GULP1: variants seen among roughly 807,000 people sequenced by gnomAD.
GULP1 encodes the protein PTB domain-containing engulfment adapter protein 1.
In GULP1, 19 loss-of-function variants were observed where a neutral mutation model predicts 40.9. The observed-to-expected ratio is 0.46, with a 90% confidence interval of 0.32 to 0.68. The LOEUF is 0.68. Among genes scored for constraint, GULP1 ranks in the 30% least tolerant of loss-of-function variants. The pLI is 0.03. For synonymous variants in GULP1, 119 were observed against 117.6 expected, an observed-to-expected ratio of 1.01 and a Z score of -0.08; for missense variants, 312 against 362.2, an observed-to-expected ratio of 0.86 and a Z score of 1.12.
intron 2 of GULP1, among the ~76,000 whole-genome samples, chr2:188,419,359 T>C (rs2055047086): frequency 6.6e-6 from 1 of 152,160 alleles, no homozygotes; most frequent in Non-Finnish European, 1.5e-5. Context: ...CCCTGGTCAA[T>C]ACCTGTTGCC....
At chr2:188,340,723 G>T (rs77061459) in intron 1 of GULP1, among the ~76,000 whole-genome samples, 1 of 152,018 alleles carries the variant, frequency 6.6e-6, no homozygotes. Flanking sequence ...GCTCTTTTTC[G>T]GCATCCGGGA....
chr2:188,444,254 GA>G (rs2058194326), intron 2 of GULP1, among the ~76,000 whole-genome samples: 3 of 152,112 alleles, frequency 2.0e-5, no homozygotes, highest in Admixed American at 2.0e-4. Flanking sequence ...TTGTATTCTT[GA>G]AAAATGTGGA....
intron 4 of GULP1, chr2:188,491,357 A>C (rs2062371924): frequency 6.6e-6 from 1 of 152,102 alleles, no homozygotes; most frequent in African/African-American, 2.4e-5. Context: ...TCAGCATATA[A>C]GTGACTAAAA....
At chr2:188,545,590 A>G (rs937912944) in intron 7 of GULP1, among the ~76,000 whole-genome samples, 1 of 151,960 alleles carries the variant, frequency 6.6e-6, no homozygotes, top group African/African-American at 2.4e-5. Flanking sequence ...ATAATGAGAT[A>G]CACTTAAAAG....
chr2:188,486,167 A>G (rs2061846390), intron 4 of GULP1, among the ~76,000 whole-genome samples: 1 of 152,070 alleles, frequency 6.6e-6, no homozygotes, highest in African/African-American at 2.4e-5. Flanking sequence ...ATCGGTAGTG[A>G]TAAAAAAGTC....
intron 2 of GULP1, among the ~76,000 whole-genome samples, chr2:188,458,632 A>G (rs2152952370): frequency 6.6e-6 from 1 of 152,330 alleles, no homozygotes; most frequent in East Asian, 1.9e-4. Flanking sequence ...TACATTATGG[A>G]AAATAGGCTA....
chr2:188,393,835 A>AT (rs1477697956), intron 2 of GULP1, among the ~76,000 whole-genome samples: 1 of 152,124 alleles, frequency 6.6e-6, no homozygotes, highest in African/African-American at 2.4e-5. Context: ...CTGTTTAAGG[A>AT]GGTATAGATA....
intron 1 of GULP1, among the ~76,000 whole-genome samples, chr2:188,307,679 C>T (rs2037342639): frequency 1.3e-5 from 2 of 152,112 alleles, no homozygotes; most frequent in South Asian, 4.1e-4. Flanking sequence ...TTTTGATTTG[C>T]ATTCTTCTTT....
chr2:188,333,139 G>C (rs1410858804), intron 1 of GULP1, among the ~76,000 whole-genome samples: 1 of 151,942 alleles, frequency 6.6e-6, no homozygotes, highest in Non-Finnish European at 1.5e-5. Context: ...CAGCTATTAG[G>C]GAGGCTGAGG....
At chr2:188,395,468 G>A (rs1315194011) in intron 2 of GULP1, among the ~76,000 whole-genome samples, 1 of 152,106 alleles carries the variant, frequency 6.6e-6, no homozygotes, top group African/African-American at 2.4e-5. Context: ...TGGACAAGGG[G>A]CAAAACAAGT....
intron 1 of GULP1, among the ~76,000 whole-genome samples, chr2:188,308,876 A>G (rs76931474): frequency 0.02 from 3,034 of 152,198 alleles, 47 homozygotes; most frequent in Non-Finnish European, 0.028. Context: ...TATAAAAGAG[A>G]GTATCTGCCG....
At chr2:188,450,659 A>G (rs2152917627) in intron 2 of GULP1, among the ~76,000 whole-genome samples, 1 of 152,254 alleles carries the variant, frequency 6.6e-6, no homozygotes, top group East Asian at 1.9e-4. Flanking sequence ...TCTTTCATTT[A>G]GAATGTTTTA....
intron 4 of GULP1, among the ~76,000 whole-genome samples, chr2:188,514,552 T>C (rs1281773863): frequency 1.3e-5 from 2 of 152,192 alleles, no homozygotes; most frequent in Non-Finnish European, 2.9e-5. Context: ...TTTCTTTTGC[T>C]CTTTGCCAAA....
chr2:188,433,630 G>A (rs1270646956), intron 2 of GULP1, among the ~76,000 whole-genome samples: 1 of 152,062 alleles, frequency 6.6e-6, no homozygotes, highest in African/African-American at 2.4e-5. Context: ...GCACATCTTG[G>A]TATCTTAGTT....
At chr2:188,513,153 CAG>C (rs1312929279) in intron 4 of GULP1, among the ~76,000 whole-genome samples, 1 of 151,950 alleles carries the variant, frequency 6.6e-6, no homozygotes, top group Non-Finnish European at 1.5e-5. Context: ...CTGTATTTAT[CAG>C]AGTCTTTATA....
At chr2:188,449,923 C>G (rs1207796629) in intron 2 of GULP1, among the ~76,000 whole-genome samples, 1 of 152,148 alleles carries the variant, frequency 6.6e-6, no homozygotes, top group African/African-American at 2.4e-5. Context: ...ATTTAGAAAA[C>G]TGTTCTTGGC....
intron 4 of GULP1, among the ~76,000 whole-genome samples, chr2:188,484,545 A>G (rs971984397): frequency 1.9e-4 from 29 of 152,306 alleles, no homozygotes; most frequent in African/African-American, 5.5e-4. Context: ...AAACAAAACT[A>G]TAATATCTTT....
intron 7 of GULP1, among the ~76,000 whole-genome samples, chr2:188,559,152 C>T (rs1444038538): frequency 6.6e-6 from 1 of 152,142 alleles, no homozygotes; most frequent in Admixed American, 6.5e-5. Flanking sequence ...CATCACAGGC[C>T]CCGAGGCCTA....
At chr2:188,565,888 C>T (rs1339462831) in intron 7 of GULP1, among the ~76,000 whole-genome samples, 1 of 152,018 alleles carries the variant, frequency 6.6e-6, no homozygotes, top group Non-Finnish European at 1.5e-5. Flanking sequence ...GTATGAAACT[C>T]AGAAACTTTA....
Sources: allele counts gnomAD v4.1 joint callset (sites outside exome capture counted in the v4.1 genomes callset), GRCh38; gene constraint gnomAD v4.1.1; transcripts MANE v1.5; gene names NCBI Gene and HGNC (gene_info 2026-07-23, HGNC 2026-07-21).